Variants in SUMF1 observed in about 807,000 individuals in gnomAD.
SUMF1 encodes formylglycine-generating enzyme.
Under a neutral mutation model 47.6 loss-of-function variants are expected in SUMF1, and 48 were observed. That is an observed-to-expected ratio of 1.01 (90% CI 0.80 to 1.28). SUMF1 has a LOEUF of 1.28. Ranked by LOEUF, SUMF1 falls within the 50% of genes most tolerant of loss-of-function variation. The probability of loss-of-function intolerance (pLI) is 0.00; values close to 1 mark genes in which losing one functional copy is unlikely to be tolerated. For missense variants in SUMF1, 571 were observed against 485.4 expected (o/e 1.18, Z -1.66); for synonymous variants, 230 against 192.1 (o/e 1.20, Z -1.63).
At chr3:4,141,973 G>C (rs1040485192) in intron 8 of SUMF1, among the ~76,000 whole-genome samples, 4 of 152,136 alleles carry the variant, frequency 2.6e-5, no homozygotes. Flanking sequence ...ATGTTGACCA[G>C]GGGTTGCTGT....
intron 8 of SUMF1, among the ~76,000 whole-genome samples, chr3:4,347,355 A>T (rs1393347725): frequency 6.6e-6 from 1 of 152,188 alleles, no homozygotes; most frequent in Admixed American, 6.5e-5. Flanking sequence ...GGGCTTCATC[A>T]CTGGGATGCA....
chr3:4,093,102 G>C (rs184812932), intron 8 of SUMF1, among the ~76,000 whole-genome samples: 82 of 152,226 alleles, frequency 5.4e-4, no homozygotes, highest in African/African-American at 1.9e-3. Context: ...TCTTGGGTAA[G>C]TCACCACTTG....
At chr3:4,178,790 C>CCCCA (rs1695029106) in intron 8 of SUMF1, among the ~76,000 whole-genome samples, 1 of 152,100 alleles carries the variant, frequency 6.6e-6, no homozygotes, top group Non-Finnish European at 1.5e-5. Flanking sequence ...ATTTAGAAAA[C>CCCCA]CCCACAGTCT....
intron 7 of SUMF1, among the ~76,000 whole-genome samples, chr3:4,379,534 G>C (rs1303508668): frequency 6.6e-6 from 1 of 152,198 alleles, no homozygotes; most frequent in Non-Finnish European, 1.5e-5. Flanking sequence ...CTAGCCTCCA[G>C]AACTGTGAGA....
At chr3:4,270,501 T>C (rs1697282495) in intron 8 of SUMF1, among the ~76,000 whole-genome samples, 1 of 152,050 alleles carries the variant, frequency 6.6e-6, no homozygotes, top group African/African-American at 2.4e-5. Flanking sequence ...TTAAATCATT[T>C]AATAAGCAAT....
intron 9 of SUMF1, among the ~76,000 whole-genome samples, chr3:4,052,760 T>C (rs2125023975): frequency 6.6e-6 from 1 of 152,310 alleles, no homozygotes; most frequent in East Asian, 1.9e-4. Context: ...GGTTTGGTCC[T>C]AGACCACAAT....
intron 8 of SUMF1, among the ~76,000 whole-genome samples, chr3:4,296,548 A>G (rs1005170522): frequency 2.0e-5 from 3 of 152,172 alleles, no homozygotes; most frequent in Admixed American, 6.5e-5. Flanking sequence ...GCAGCAGGCA[A>G]GATAAGCGTG....
At chr3:4,246,532 G>T (rs1269499895) in intron 8 of SUMF1, among the ~76,000 whole-genome samples, 1 of 152,118 alleles carries the variant, frequency 6.6e-6, no homozygotes, top group Non-Finnish European at 1.5e-5. Context: ...CTCCTGAGCA[G>T]CTGGGACTAC....
chr3:4,360,205 C>CTTTTTTTTTTTTTTTTTTTTT (rs57690047), downstream of SUMF1, among the ~76,000 whole-genome samples: 4 of 104,138 alleles, frequency 3.8e-5, 2 homozygotes, highest in African/African-American at 6.9e-5. Flanking sequence ...AATGTTTGTT[C>CTTTTTTTTTTTTTTTTTTTTT]TTTTTTTTTT....
At chr3:4,055,792 G>A (rs1476291129) in intron 9 of SUMF1, among the ~76,000 whole-genome samples, 1 of 152,140 alleles carries the variant, frequency 6.6e-6, no homozygotes, top group Non-Finnish European at 1.5e-5. Context: ...CTTACACTTA[G>A]TTCTATAGTT....
At chr3:4,190,404 G>T (rs1334521861) in intron 8 of SUMF1, among the ~76,000 whole-genome samples, 1 of 152,052 alleles carries the variant, frequency 6.6e-6, no homozygotes, top group South Asian at 2.1e-4. Flanking sequence ...AGAAGCAAAA[G>T]AATTATTATA....
chr3:4,045,384 C>G (rs1694986636), intron 9 of SUMF1, among the ~76,000 whole-genome samples: 1 of 147,986 alleles, frequency 6.8e-6, no homozygotes, highest in Non-Finnish European at 1.5e-5. Flanking sequence ...AACCATCCAC[C>G]CATCCATCCA....
intron 8 of SUMF1, among the ~76,000 whole-genome samples, chr3:4,219,788 A>G (rs1426346329): frequency 6.6e-6 from 1 of 152,082 alleles, no homozygotes; most frequent in Non-Finnish European, 1.5e-5. Context: ...TGGAATCAGA[A>G]TCTTTTGGGG....
intron 8 of SUMF1, among the ~76,000 whole-genome samples, chr3:4,091,507 ACTT>A (rs1461486595): frequency 6.6e-6 from 1 of 152,138 alleles, no homozygotes; most frequent in Non-Finnish European, 1.5e-5. Context: ...CCTTCAGAAG[ACTT>A]CTTTTTTATG....
intron 8 of SUMF1, among the ~76,000 whole-genome samples, chr3:4,251,466 T>C (rs545077555): frequency 6.6e-6 from 1 of 152,316 alleles, no homozygotes; most frequent in African/African-American, 2.4e-5. Flanking sequence ...CAGCAGGGTT[T>C]GAGAGGATTG....
At position 4,467,183 on chromosome 3, in the gene SUMF1, C is replaced by G. The variant is rs938489919; in HGVS notation, c.63G>C (p.Leu21Phe). Residue 21 changes from leucine to phenylalanine, a missense_variant, in exon 1 of 9, where the codon TTG becomes TTC. Leu to Phe is a conservative substitution (Grantham distance 22, BLOSUM62 0). Coordinates refer to ENST00000272902, the MANE Select transcript of SUMF1 (RefSeq NM_182760.4). ...CACACAGCAGCGAGAGCAGCAGCAG[C>G]AAGAGGACGAGACCCAGCTCAGGGC... is the stretch of plus-strand genomic sequence containing the variant. ...GRCPELGLVL[L>F]LLLLSLLCGA... 1.2e-6 allele frequency: 2 copies of G among 1,610,032 alleles called. No individual in the cohort carries two copies. The highest frequency in any genetic ancestry group is 1.7e-6 in the Non-Finnish European group (2 of 1,178,754).
chr3:4,433,503 GAC>G (rs548311586), intron 3 of SUMF1, among the ~76,000 whole-genome samples: 73 of 152,238 alleles, frequency 4.8e-4, no homozygotes, highest in Non-Finnish European at 6.6e-4. Context: ...AGACACAAAA[GAC>G]AGTGTTACCT....
At chr3:4,189,679 C>A (rs1440610770) in intron 8 of SUMF1, among the ~76,000 whole-genome samples, 1 of 148,070 alleles carries the variant, frequency 6.8e-6, no homozygotes, top group Non-Finnish European at 1.5e-5. Flanking sequence ...TAGATTAAAG[C>A]CTCAAGATTT....
chr3:4,094,902 C>A (rs1692869152), intron 8 of SUMF1, among the ~76,000 whole-genome samples: 1 of 152,146 alleles, frequency 6.6e-6, no homozygotes, highest in South Asian at 2.1e-4. Context: ...CTAACACTTA[C>A]TTCACCAGTG....
Sources: gnomAD v4.1 joint callset for allele counts (sites outside exome capture counted in the v4.1 genomes callset) on GRCh38, gnomAD v4.1.1 for gene constraint, MANE v1.5 for transcripts, NCBI Gene and HGNC (gene_info 2026-07-23, HGNC 2026-07-21) for gene names.